The following SERPINB10 variants were observed in gnomAD, a reference collection of about 807,000 sequenced individuals.
SERPINB10 encodes serpin B10.
In SERPINB10, 35 loss-of-function variants were observed where a neutral mutation model predicts 39.1. That is an observed-to-expected ratio of 0.90 (90% CI 0.68 to 1.19). The LOEUF (loss-of-function observed/expected upper bound fraction) is 1.19, where lower values mean the gene tolerates loss of function less well. Among genes scored for constraint, SERPINB10 ranks in the 50% most tolerant of loss-of-function variants. The probability of loss-of-function intolerance (pLI) is 0.00; values close to 1 mark genes in which losing one functional copy is unlikely to be tolerated. For synonymous variants in SERPINB10, 190 were observed against 158.1 expected (o/e 1.20, Z -1.52); for missense variants, 546 against 460.5 (o/e 1.19, Z -1.70).
intron 5 of SERPINB10, among the ~76,000 whole-genome samples, chr18:63,925,378 T>G (rs1424454582): frequency 6.6e-6 from 1 of 151,816 alleles, no homozygotes; most frequent in Non-Finnish European, 1.5e-5. Flanking sequence ...ACTCCTTCTT[T>G]CAAAAAAAGA....
intron 5 of SERPINB10, among the ~76,000 whole-genome samples, chr18:63,924,910 G>T (rs2050170257): frequency 6.6e-6 from 1 of 151,784 alleles, no homozygotes; most frequent in South Asian, 2.1e-4. Flanking sequence ...TTGTAAAACA[G>T]CATTTTTGAC....
At chr18:63,921,729 C>G (rs1470349563) in intron 5 of SERPINB10, among the ~76,000 whole-genome samples, 1 of 151,882 alleles carries the variant, frequency 6.6e-6, no homozygotes, top group Non-Finnish European at 1.5e-5. Context: ...ACACAAAGCC[C>G]TTAACCAGAC....
At chr18:63,932,972 T>C in intron 6 of SERPINB10, 76 bp from the exon 7 acceptor site, 3 of 1,353,364 alleles carry the variant, frequency 2.2e-6, no homozygotes, top group Non-Finnish European at 3.1e-6. Flanking sequence ...CCAATGATGG[T>C]AGAGAATTAA....
intron 4 of SERPINB10, 31 bp from the exon 5 acceptor site, chr18:63,919,757 A>G: frequency 6.9e-7 from 1 of 1,449,704 alleles, no homozygotes; most frequent in East Asian, 2.3e-5. Flanking sequence ...AACAAACTCT[A>G]CAAAAGGGGA....
At chr18:63,933,378 T>A (rs545172399) in intron 7 of SERPINB10, among the ~76,000 whole-genome samples, 175 bp downstream of exon 7, 2 of 152,326 alleles carry the variant, frequency 1.3e-5, no homozygotes, top group South Asian at 4.1e-4. Context: ...ACCTTCACAA[T>A]ATTATTTAAA....
At chr18:63,909,813 A>G (rs569276800) in intron 1 of SERPINB10, among the ~76,000 whole-genome samples, 2 of 152,106 alleles carry the variant, frequency 1.3e-5, no homozygotes, top group Non-Finnish European at 2.9e-5. Flanking sequence ...TTGAATGAGT[A>G]AGAGCCTTAA....
At chr18:63,929,198 T>C (rs1003826230) in intron 5 of SERPINB10, among the ~76,000 whole-genome samples, 2 of 152,186 alleles carry the variant, frequency 1.3e-5, no homozygotes, top group Non-Finnish European at 2.9e-5. Context: ...CATATATGTA[T>C]ATATTTTTTC....
intron 4 of SERPINB10, 42 bp from the exon 5 acceptor site, chr18:63,919,746 G>T: frequency 7.3e-7 from 1 of 1,376,692 alleles, no homozygotes; most frequent in South Asian, 1.2e-5. Flanking sequence ...TCTCAATTTT[G>T]AACAAACTCT....
chr18:63,922,086 A>G (rs2050150766), intron 5 of SERPINB10, among the ~76,000 whole-genome samples: 1 of 151,950 alleles, frequency 6.6e-6, no homozygotes, highest in African/African-American at 2.4e-5. Context: ...TGCTAGACTC[A>G]AGGACTCTAT....
intron 2 of SERPINB10, 51 bp downstream of exon 2, chr18:63,915,729 C>A (rs1397965767): frequency 1.4e-6 from 2 of 1,474,220 alleles, no homozygotes; most frequent in East Asian, 4.7e-5. Context: ...TAAGTGCTTT[C>A]ATTGCCTTTT....
chr18:63,931,012 CTG>C (rs1568250115), intron 6 of SERPINB10, among the ~76,000 whole-genome samples: 5 of 152,138 alleles, frequency 3.3e-5, no homozygotes, highest in Non-Finnish European at 5.9e-5. Flanking sequence ...GGGGAAGAAA[CTG>C]AACACATAAT....
intron 5 of SERPINB10, among the ~76,000 whole-genome samples, chr18:63,926,134 C>G (rs79123858): frequency 6.6e-6 from 1 of 152,006 alleles, no homozygotes; most frequent in Non-Finnish European, 1.5e-5. Flanking sequence ...CAAGGCTGTG[C>G]TCTCTCTGAA....
At chr18:63,932,012 G>A (rs557444564) in intron 6 of SERPINB10, among the ~76,000 whole-genome samples, 5 of 152,086 alleles carry the variant, frequency 3.3e-5, no homozygotes, top group Admixed American at 2.6e-4. Context: ...CATACAGCAC[G>A]TAGCCTTTTG....
At chr18:63,925,490 A>T (rs191734314) in intron 5 of SERPINB10, among the ~76,000 whole-genome samples, 1 of 152,150 alleles carries the variant, frequency 6.6e-6, no homozygotes, top group African/African-American at 2.4e-5. Flanking sequence ...TGCTCAAAAT[A>T]CTTGGGAATA....
intron 4 of SERPINB10, among the ~76,000 whole-genome samples, chr18:63,919,072 C>A (rs1477364824): frequency 6.6e-6 from 1 of 151,996 alleles, no homozygotes; most frequent in African/African-American, 2.4e-5. Context: ...TTTTCTCCTA[C>A]AAGCCCTGCA....
intron 1 of SERPINB10, among the ~76,000 whole-genome samples, chr18:63,912,602 C>T (rs1235806397): frequency 6.6e-6 from 1 of 151,976 alleles, no homozygotes; most frequent in Admixed American, 6.6e-5. Flanking sequence ...GTATGTTGAA[C>T]CAATATAGTA....
intron 5 of SERPINB10, among the ~76,000 whole-genome samples, chr18:63,922,967 G>A (rs1450600497): frequency 2.6e-5 from 4 of 151,908 alleles, no homozygotes; most frequent in Non-Finnish European, 5.9e-5. Flanking sequence ...AAGAAGAACT[G>A]AGCAAATAAT....
chr18:63,909,773 A>G (rs1252023080), intron 1 of SERPINB10, among the ~76,000 whole-genome samples: 1 of 152,094 alleles, frequency 6.6e-6, no homozygotes, highest in Non-Finnish European at 1.5e-5. Flanking sequence ...AAAGCTTGAT[A>G]TATACTGTAT....
chr18:63,926,951 T>C (rs976512894), intron 5 of SERPINB10, among the ~76,000 whole-genome samples: 1 of 152,074 alleles, frequency 6.6e-6, no homozygotes, highest in Non-Finnish European at 1.5e-5. Context: ...TGTTAGAAGA[T>C]AAGAAGATAA....
Sources: gnomAD v4.1 joint callset for allele counts (sites outside exome capture counted in the v4.1 genomes callset) on GRCh38, gnomAD v4.1.1 for gene constraint, MANE v1.5 for transcripts, NCBI Gene and HGNC (gene_info 2026-07-23, HGNC 2026-07-21) for gene names.